Variants in CHODL observed in about 807,000 individuals in gnomAD.
CHODL encodes the protein chondrolectin, also known as transmembrane protein MT75.
CHODL carries 29 observed loss-of-function variants against 34.5 expected under a neutral mutation model. The observed-to-expected ratio is 0.84, with a 90% CI of 0.63 to 1.15. CHODL has a LOEUF of 1.15. Ranked by LOEUF, CHODL falls within the 50% of genes most tolerant of loss-of-function variation. The pLI, the probability that CHODL is intolerant of heterozygous loss-of-function variation, is 0.00. For missense variants in CHODL, 332 were observed against 332.5 expected, an observed-to-expected ratio of 1.00 and a Z score of 0.01; for synonymous variants, 125 against 116.1, an observed-to-expected ratio of 1.08 and a Z score of -0.49.
chr21:18,090,426 TAAAAGA>T (rs1239921268), intron 2 of CHODL, among the ~76,000 whole-genome samples: 1 of 151,866 alleles, frequency 6.6e-6, no homozygotes, highest in Admixed American at 6.6e-5. Flanking sequence ...GCTTGAAACA[TAAAAGA>T]GAAAGATGAA....
intron 1 of CHODL, among the ~76,000 whole-genome samples, chr21:18,023,081 A>G (rs1387601942): frequency 1.3e-5 from 2 of 152,220 alleles, no homozygotes. Context: ...GGTCATGGCC[A>G]GCACTGGAGT....
chr21:17,986,832 A>T (rs1028850166), intron 1 of CHODL, among the ~76,000 whole-genome samples: 4 of 152,130 alleles, frequency 2.6e-5, no homozygotes, highest in African/African-American at 9.7e-5. Flanking sequence ...TAATCAGATT[A>T]TTTCCATCTA....
intron 2 of CHODL, among the ~76,000 whole-genome samples, chr21:18,197,280 C>A (rs2073599993): frequency 6.6e-6 from 1 of 151,948 alleles, no homozygotes; most frequent in Non-Finnish European, 1.5e-5. Context: ...TGTATGAAAC[C>A]ATTATTCTCA....
In CHODL at chr21:18,028,282, C is replaced by T. The variant is rs1250766666; in HGVS notation, c.-45+311C>T. Among the ~76,000 whole-genome samples the T allele has an allele frequency of 6.8e-5, 7 of 102,966 alleles. 1 individual carries two copies. In the South Asian group the frequency reaches 1.9e-3, roughly 28 times the overall value. 67.5% of individuals were successfully genotyped at this position (102,966 alleles called of 152,430 possible). The stretch of plus-strand genomic sequence containing the variant: ...TCTTTTTCTTTTTCCTTTTCCCCTT[C>T]CTTCCTTCCTTCCTTCCTTCCTTCC... On this transcript the variant is annotated intron_variant, in intron 2 of 6. Coordinates refer to the CHODL transcript ENST00000400127.
chr21:18,212,499 T>G (rs1002621767), intron 2 of CHODL, among the ~76,000 whole-genome samples: 4 of 152,264 alleles, frequency 2.6e-5, no homozygotes, highest in Admixed American at 2.0e-4. Flanking sequence ...TACAATTTTA[T>G]TATATATTAT....
chr21:18,238,922 AT>A (rs2074055005), intron 2 of CHODL, among the ~76,000 whole-genome samples: 1 of 152,198 alleles, frequency 6.6e-6, no homozygotes. Flanking sequence ...CAGGAAGTAC[AT>A]GACTAAGACA....
At chr21:17,976,779 T>C (rs1470579896) in intron 1 of CHODL, among the ~76,000 whole-genome samples, 1 of 152,210 alleles carries the variant, frequency 6.6e-6, no homozygotes, top group Non-Finnish European at 1.5e-5. Flanking sequence ...TCAAATTTTA[T>C]TTTTGTTATT....
intron 2 of CHODL, among the ~76,000 whole-genome samples, chr21:18,041,819 A>G (rs2064379154): frequency 6.6e-6 from 1 of 151,890 alleles, no homozygotes; most frequent in African/African-American, 2.4e-5. Flanking sequence ...GAAGGGCTTG[A>G]TCAATTCTAC....
At chr21:18,203,051 ACT>A (rs1275248887) in intron 2 of CHODL, among the ~76,000 whole-genome samples, 4 of 152,180 alleles carry the variant, frequency 2.6e-5, no homozygotes, top group Non-Finnish European at 4.4e-5. Context: ...ATTAAATGAA[ACT>A]CTGTTTAAAA....
intron 2 of CHODL, among the ~76,000 whole-genome samples, chr21:18,135,502 C>G (rs922920118): frequency 6.6e-6 from 1 of 152,170 alleles, no homozygotes; most frequent in Middle Eastern, 3.2e-3. Flanking sequence ...CACAGACTGC[C>G]ATATTTCTCA....
In CHODL at chr21:18,245,438, G is replaced by C. The variant is rs151223142; in HGVS notation, c.79+136G>C. The C allele has an allele frequency of 2.9e-3, 1,919 of 667,500 alleles. 6 individuals are homozygous for C. Among genetic ancestry groups the C allele is most frequent in the Non-Finnish European group, 3.9e-3 (1,618 of 413,230 alleles). The allele number at this position is 667,500 out of a possible 1,614,324, so 41.3% of individuals were successfully genotyped here. On this transcript the variant is annotated intron_variant, in intron 1 of 5. Transcript: ENST00000299295. ...GTGTAAGGACCCGGGAGGAGGCGGGGAGAAATTGATTGTGCTGTTCTCCTC... is the reference window on the plus strand; with the variant it reads ...GTGTAAGGACCCGGGAGGAGGCGGGCAGAAATTGATTGTGCTGTTCTCCTC...
intron 2 of CHODL, among the ~76,000 whole-genome samples, chr21:18,134,598 GAA>G (rs1381292945): frequency 6.6e-6 from 1 of 152,198 alleles, no homozygotes; most frequent in African/African-American, 2.4e-5. Flanking sequence ...TTATGCAAAT[GAA>G]AGTCTTTTCA....
Position 17,999,169 on chromosome 21 carries a change from C to T in CHODL, c.-144-28703C>T, listed in dbSNP as rs994757599. 5.3e-5 allele frequency among the ~76,000 whole-genome samples: 8 copies of T among 152,344 alleles called. No homozygotes were observed. The Middle Eastern group carries it at 0.014, about 259-fold the overall frequency. On this transcript the variant is annotated intron_variant, in intron 1 of 6. Coordinates refer to the CHODL transcript ENST00000400127. The stretch of plus-strand genomic sequence containing the variant: ...ATCTTCAGGGCAGGGCAAAATGCCA[C>T]CAGTCTCTTTGCTAAAACATAACAA...
intron 1 of CHODL, among the ~76,000 whole-genome samples, chr21:17,946,854 G>T (rs2063413693): frequency 6.6e-6 from 1 of 152,026 alleles, no homozygotes; most frequent in African/African-American, 2.4e-5. Flanking sequence ...TATCCATTCA[G>T]CCTTTCAATG....
At chr21:18,240,227 A>G (rs1261307082), upstream of CHODL, among the ~76,000 whole-genome samples, 1 of 152,112 alleles carries the variant, frequency 6.6e-6, no homozygotes, top group Non-Finnish European at 1.5e-5. Flanking sequence ...CATAGCATCT[A>G]TATATATTTG....
chr21:18,181,290 A>G (rs1210597469), intron 2 of CHODL, among the ~76,000 whole-genome samples: 1 of 152,244 alleles, frequency 6.6e-6, no homozygotes, highest in African/African-American at 2.4e-5. Flanking sequence ...TTTGAAGTAT[A>G]TAATTTAATG....
intron 2 of CHODL, among the ~76,000 whole-genome samples, chr21:18,129,325 C>T (rs1276282495): frequency 1.3e-5 from 2 of 151,558 alleles, no homozygotes; most frequent in East Asian, 3.9e-4. Context: ...GGTTTATTGT[C>T]CTGTTATTCT....
intron 1 of CHODL, among the ~76,000 whole-genome samples, chr21:18,251,516 A>AAAATAAATATTTATTTTAATATATAAAAT (rs369087998): frequency 2.1e-4 from 8 of 37,912 alleles, no homozygotes; most frequent in African/African-American, 7.1e-4. Flanking sequence ...TTTAATATAT[A>AAAATAAATATTTATTTTAATATATAAAAT]AAATATTTAT....
At chr21:18,209,499 G>A (rs2073750308) in intron 2 of CHODL, among the ~76,000 whole-genome samples, 1 of 152,132 alleles carries the variant, frequency 6.6e-6, no homozygotes, top group East Asian at 1.9e-4. Context: ...ACCTCAAGAG[G>A]CTACTTTGTG....
Sources: gnomAD v4.1 joint callset for allele counts (sites outside exome capture counted in the v4.1 genomes callset) on GRCh38, gnomAD v4.1.1 for gene constraint, MANE v1.5 for transcripts, NCBI Gene and HGNC (gene_info 2026-07-23, HGNC 2026-07-21) for gene names.